The following QSER1 variants were observed in gnomAD, a reference collection of about 807,000 sequenced individuals.
The protein encoded by QSER1 is glutamine and serine rich 1, also known as glutamine and serine-rich protein 1.
In QSER1, 49 loss-of-function variants were observed where a neutral mutation model predicts 158.5. The observed-to-expected ratio is 0.31, with a 90% CI of 0.25 to 0.39. QSER1 has a LOEUF of 0.39. Ranked by LOEUF, QSER1 falls within the 10% of genes least tolerant of loss-of-function variation. QSER1 has a pLI of 1.00. For missense variants in QSER1, 1,754 were observed against 2,010.3 expected (o/e 0.87, Z 2.44); for synonymous variants, 650 against 715.5 (o/e 0.91, Z 1.46).
rs927823292 is a variant in QSER1, at chr11:32,923,825, G to C, written c.210-3332G>C. Among the ~76,000 whole-genome samples the C allele has an allele frequency of 3.3e-5, 5 of 150,866 alleles. No homozygotes were observed. In the East Asian group the frequency reaches 7.9e-4, roughly 24 times the overall value. ...TCTACTAAAATATAAAAAATTAGCC[G>C]GGTGTGATGGCGGGTGCCTGTAGTC... On this transcript the variant is annotated intron_variant, in intron 1 of 12. Transcript: ENST00000650167.
At chr11:32,970,955 T>TC (rs1307735304) in intron 10 of QSER1, among the ~76,000 whole-genome samples, 1 of 138,538 alleles carries the variant, frequency 7.2e-6, no homozygotes, top group Non-Finnish European at 1.6e-5. Flanking sequence ...GCTTTTTTTT[T>TC]TTTTTTTTTT....
Position 32,934,043 on chromosome 11 carries a change from G to C in QSER1, c.2785G>C (p.Glu929Gln). Residue 929 changes from glutamate (E) to glutamine (Q), a missense_variant, in exon 4 of 13, where the codon GAG (glutamate) becomes CAG (glutamine). Glu to Gln is a conservative substitution (Grantham distance 29, BLOSUM62 2). Around this residue, in one of 2 missense-constraint regions of QSER1, gnomAD observed 1,707 missense variants for 1,919.6 expected, o/e 0.89. Coordinates refer to ENST00000650167, the MANE Select transcript of QSER1 (RefSeq NM_001076786.3). ...NSEVMKMDLS[E>Q]SSKPLQQHLT... ...TGAAGTTATGAAAATGGACCTCTCT[G>C]AGTCTTCAAAACCATTACAACAACA... is the stretch of plus-strand genomic sequence containing the variant. 6.2e-7 allele frequency: 1 copy of C among 1,613,818 alleles called. No individual in the cohort carries two copies. The highest frequency in any genetic ancestry group is 8.5e-7 in the Non-Finnish European group (1 of 1,179,950).
chr11:32,934,326 T>C lies in QSER1; in HGVS notation c.3068T>C (p.Leu1023Ser). 5 of 1,614,032 alleles carry C rather than the reference T, an allele frequency of 3.1e-6. No individual in the cohort carries two copies. The highest frequency in any genetic ancestry group is 4.2e-6 in the Non-Finnish European group (5 of 1,179,986). ...TCTAAATCTCATTTTCAGCAGTCAT[T>C]AGATGTCAGGCATGTGACTTCAGAT... ...GDSKSHFQQS[L>S]DVRHVTSDFN... Residue 1023 changes from leucine (L) to serine (S), a missense_variant, in exon 4 of 13, where the codon TTA becomes TCA. By Grantham distance (145) the Leu-to-Ser change is moderately radical (BLOSUM62 -2). This residue lies in a region of QSER1 where 1,707 missense variants were observed against 1,919.6 expected (regional missense o/e 0.89). Coordinates refer to ENST00000650167, the MANE Select transcript of QSER1 (RefSeq NM_001076786.3).
In QSER1 at chr11:32,976,592, A is replaced by G; in HGVS notation, c.*118A>G. ...GCAGGCCGGCCGCTTCCATCATGGA[A>G]CTGTCATTACCACCTCTGCTGAAGG... On this transcript the variant is annotated 3_prime_UTR_variant, in exon 13 of 13. Transcript: ENST00000650167. 1 of 1,098,260 alleles carries G rather than the reference A, an allele frequency of 9.1e-7. No individual in the cohort carries two copies. The highest frequency in any genetic ancestry group is 1.3e-6 in the Non-Finnish European group (1 of 742,440). 68.0% of individuals were successfully genotyped at this position (1,098,260 alleles called of 1,614,324 possible).
intron 7 of QSER1, 78 bp downstream of exon 7, chr11:32,956,199 A>C: frequency 8.0e-7 from 1 of 1,256,448 alleles, no homozygotes; most frequent in Non-Finnish European, 1.1e-6. Flanking sequence ...AAAGGAGCAT[A>C]TCAATTAAAT....
intron 1 of QSER1, among the ~76,000 whole-genome samples, chr11:32,894,583 T>G (rs933032421): frequency 1.3e-5 from 2 of 152,234 alleles, no homozygotes; most frequent in Non-Finnish European, 2.9e-5. Context: ...ACGTTCATGA[T>G]TGAGCAAATA....
At chr11:32,915,796 C>G (rs986253069) in intron 1 of QSER1, among the ~76,000 whole-genome samples, 3 of 152,064 alleles carry the variant, frequency 2.0e-5, no homozygotes, top group Non-Finnish European at 4.4e-5. Context: ...TGGAGATGGG[C>G]CAACCATAAA....
Position 32,931,815 on chromosome 11 carries a change from C to A in QSER1, c.557C>A (p.Ser186Tyr). The change falls in exon 4 of 13, where the codon TCT becomes TAT. Residue 186 changes from serine to tyrosine, a missense_variant. Ser to Tyr is a moderately radical substitution (Grantham distance 144). Transcript: ENST00000650167. Reference protein sequence around the residue: ...PLPSTGTLPPSLSAYQHPTTF... With the variant: ...PLPSTGTLPPYLSAYQHPTTF... ...CCAAGCACTGGAACACTTCCACCAT[C>A]TCTCTCTGCTTATCAGCATCCCACC... The A allele has an allele frequency of 6.2e-7, 1 of 1,613,996 alleles. No homozygotes were observed. Among genetic ancestry groups the A allele is most frequent in the Non-Finnish European group, 8.5e-7 (1 of 1,179,904 alleles).
intron 4 of QSER1, among the ~76,000 whole-genome samples, chr11:32,935,871 A>G (rs1852145158): frequency 6.6e-6 from 1 of 152,238 alleles, no homozygotes; most frequent in Non-Finnish European, 1.5e-5. Context: ...CAGATGAGGC[A>G]ACAGGGATGT....
chr11:32,900,246 C>A (rs757185017), intron 1 of QSER1, among the ~76,000 whole-genome samples: 1 of 152,154 alleles, frequency 6.6e-6, no homozygotes, highest in South Asian at 2.1e-4. Flanking sequence ...CTGCTTAGAA[C>A]CTTCCAGTGT....
chr11:32,912,305 G>A (rs1475883580), intron 1 of QSER1, among the ~76,000 whole-genome samples: 4 of 152,048 alleles, frequency 2.6e-5, no homozygotes, highest in Non-Finnish European at 2.9e-5. Context: ...TGTCTTCCCC[G>A]CAAGTCTTCT....
rs369170545 is a variant in QSER1 at position 32,934,638 on chromosome 11, C to T, written c.3380C>T (p.Thr1127Ile). 1.1e-5 allele frequency: 17 copies of T among 1,613,558 alleles called. No homozygotes were observed. The highest frequency in any genetic ancestry group is 1.3e-5 in the African/African-American group (1 of 74,918). Residue 1127 changes from threonine (T) to isoleucine (I), a missense_variant, in exon 4 of 13, where the codon ACA becomes ATA. Transcript: ENST00000650167. ...GACAGTGAAGCTCCTGTTGATAGTACATTAAATAATAACAGAAACCAAGAG... is the reference window on the plus strand; with the variant it reads ...GACAGTGAAGCTCCTGTTGATAGTATATTAAATAATAACAGAAACCAAGAG... ...EEDSEAPVDS[T>I]LNNNRNQEFV...
intron 1 of QSER1, among the ~76,000 whole-genome samples, chr11:32,919,824 T>C (rs1851879249): frequency 6.6e-6 from 1 of 152,226 alleles, no homozygotes; most frequent in Non-Finnish European, 1.5e-5. Flanking sequence ...CCCATGGATA[T>C]ATATTTTATA....
Position 32,932,727 on chromosome 11 carries a change from A to G in QSER1, c.1469A>G (p.Tyr490Cys). ...CCATCTATTGTTCATTCACAGGTTT[A>G]TAGGTCCAGCAAGGTTGAGAAATTG... is the stretch of plus-strand genomic sequence containing the variant. The part of the protein sequence containing the change: ...NVPSIVHSQV[Y>C]RSSKVEKLPP... The change falls in exon 4 of 13, where the codon TAT (tyrosine) becomes TGT (cysteine). Residue 490 changes from tyrosine to cysteine, a missense_variant. Physicochemically the swap from Tyr to Cys is radical, Grantham distance 194. Coordinates refer to ENST00000650167, the MANE Select transcript of QSER1 (RefSeq NM_001076786.3). 2 of 1,614,196 alleles carry G rather than the reference A, an allele frequency of 1.2e-6. No homozygotes were observed. Among genetic ancestry groups the G allele is most frequent in the Non-Finnish European group, 1.7e-6 (2 of 1,180,022 alleles).
chr11:32,918,434 A>G (rs1370562382), intron 1 of QSER1, among the ~76,000 whole-genome samples: 1 of 151,738 alleles, frequency 6.6e-6, no homozygotes. Context: ...AAATCTTGAG[A>G]GGTGAAATTT....
At chr11:32,896,416 G>A (rs1851556253) in intron 1 of QSER1, among the ~76,000 whole-genome samples, 4 of 152,084 alleles carry the variant, frequency 2.6e-5, no homozygotes, top group African/African-American at 7.2e-5. Context: ...GTGCAACGGC[G>A]TGATCTCAGC....
At chr11:32,937,900 T>C (rs569996868) in intron 4 of QSER1, among the ~76,000 whole-genome samples, 5 of 152,230 alleles carry the variant, frequency 3.3e-5, no homozygotes, top group African/African-American at 7.2e-5. Flanking sequence ...AAGATACTTA[T>C]TGATCTTTAA....
At chr11:32,945,967 C>T (rs1344589392) in intron 4 of QSER1, among the ~76,000 whole-genome samples, 7 of 151,654 alleles carry the variant, frequency 4.6e-5, no homozygotes, top group Admixed American at 3.9e-4. Flanking sequence ...AACTTTCCTT[C>T]TCGCTTCATT....
chr11:32,969,685 T>C (rs1373537086), intron 10 of QSER1, among the ~76,000 whole-genome samples: 1 of 147,762 alleles, frequency 6.8e-6, no homozygotes, highest in Non-Finnish European at 1.5e-5. Context: ...TCTTTTCTTT[T>C]CTTTTTTTTT....
Sources: allele counts gnomAD v4.1 joint callset (sites outside exome capture counted in the v4.1 genomes callset), GRCh38; gene constraint gnomAD v4.1.1; regional missense constraint gnomAD v4.1.1; transcripts MANE v1.5; gene names NCBI Gene and HGNC (gene_info 2026-07-23, HGNC 2026-07-21).